Variants in GPR139 observed in about 807,000 individuals in gnomAD.
GPR139 encodes the protein G protein-coupled receptor 139, also known as probable G protein-coupled receptor 139.
GPR139 carries 12 observed loss-of-function variants against 25.8 expected under a neutral mutation model. That is an observed-to-expected ratio of 0.47 (90% CI 0.30 to 0.75). The LOEUF (loss-of-function observed/expected upper bound fraction) is 0.75, where lower values mean the gene tolerates loss of function less well. Among genes scored for constraint, GPR139 ranks in the 30% least tolerant of loss-of-function variants. GPR139 has a pLI of 0.07. For missense variants in GPR139, 380 were observed against 450.2 expected (o/e 0.84, Z 1.41); for synonymous variants, 184 against 179.9 (o/e 1.02, Z -0.18).
At position 20,038,325 on chromosome 16, in the gene GPR139, ATATATGTGTGTG is replaced by A. The variant is rs1189644387; in HGVS notation, c.128-5668_128-5657del. ...ACAGGTTTAAGTTCCTGGATAATATATATATGTGTGTGTGTGTGTGTGTGTGTGTGTGTGTGT... is the reference window on the plus strand; with the variant it reads ...ACAGGTTTAAGTTCCTGGATAATATATGTGTGTGTGTGTGTGTGTGTGTGT... On this transcript the variant is annotated intron_variant, in intron 1 of 1. Coordinates refer to ENST00000570682, the MANE Select transcript of GPR139 (RefSeq NM_001002911.4). Among the ~76,000 whole-genome samples, 8 of 48,934 alleles carry A rather than the reference ATATATGTGTGTG, an allele frequency of 1.6e-4. No individual in the cohort carries two copies. In the East Asian group the frequency reaches 4.9e-3, roughly 30 times the overall value. 32.1% of individuals were successfully genotyped at this position (48,934 alleles called of 152,430 possible).
At chr16:20,061,528 T>C (rs1429846295) in intron 1 of GPR139, among the ~76,000 whole-genome samples, 1 of 152,228 alleles carries the variant, frequency 6.6e-6, no homozygotes, top group Non-Finnish European at 1.5e-5. Context: ...GCTCTCTGAT[T>C]TCTCTTCTCA....
chr16:20,069,381 C>A (rs1261500538), intron 1 of GPR139, among the ~76,000 whole-genome samples: 1 of 139,656 alleles, frequency 7.2e-6, no homozygotes, highest in Non-Finnish European at 1.6e-5. Flanking sequence ...CCTGTTTATT[C>A]CATTTTCTCT....
intron 1 of GPR139, among the ~76,000 whole-genome samples, chr16:20,037,200 C>A (rs1420474094): frequency 1.3e-5 from 2 of 152,030 alleles, no homozygotes; most frequent in Admixed American, 1.3e-4. Flanking sequence ...GCCTGTAATC[C>A]CAGCACTTTA....
intron 1 of GPR139, among the ~76,000 whole-genome samples, chr16:20,055,336 A>G (rs1207431312): frequency 6.6e-6 from 1 of 152,172 alleles, no homozygotes; most frequent in Non-Finnish European, 1.5e-5. Context: ...GCCCATAACC[A>G]AGGCAGGCTA....
chr16:20,040,937 A>C (rs887972619), intron 1 of GPR139, among the ~76,000 whole-genome samples: 11 of 151,768 alleles, frequency 7.2e-5, no homozygotes, highest in African/African-American at 2.4e-4. Context: ...TACAAATCCT[A>C]GTTCTCTGCA....
chr16:20,033,355 C>T (rs940666628), intron 1 of GPR139, among the ~76,000 whole-genome samples: 1 of 152,230 alleles, frequency 6.6e-6, no homozygotes, highest in African/African-American at 2.4e-5. Context: ...TTGCCATTCT[C>T]CTCATCTTAG....
intron 1 of GPR139, among the ~76,000 whole-genome samples, chr16:20,055,957 T>G (rs2764778): frequency 0.052 from 7,918 of 152,344 alleles, 646 homozygotes; most frequent in African/African-American, 0.18. Flanking sequence ...TCAGGTAATG[T>G]GTTTAAAACA....
chr16:20,042,604 G>C (rs1157154148), intron 1 of GPR139, among the ~76,000 whole-genome samples: 1 of 152,088 alleles, frequency 6.6e-6, no homozygotes, highest in African/African-American at 2.4e-5. Flanking sequence ...GTTGTCTCTT[G>C]CATCCTCTGA....
chr16:20,030,559 C>T lies in GPR139; in HGVS notation c.*1176G>A, dbSNP rs1035658812. Among the ~76,000 whole-genome samples, 3 of 147,722 alleles carry T rather than the reference C, an allele frequency of 2.0e-5. No individual in the cohort carries two copies. Among genetic ancestry groups the T allele is most frequent in the African/African-American group, 7.6e-5 (3 of 39,612 alleles). On this transcript the variant is annotated 3_prime_UTR_variant, in exon 2 of 2. Transcript: ENST00000570682. Reference sequence around the variant, plus strand: ...AACACACTTATATTTTATCATTTTACAAAGGATCTGGGTTAAATAGCTTTA... The same window carrying T: ...AACACACTTATATTTTATCATTTTATAAAGGATCTGGGTTAAATAGCTTTA...
In GPR139 at chr16:20,052,099, C is replaced by A. The variant is rs138231258; in HGVS notation, c.128-19430G>T. On this transcript the variant is annotated intron_variant, in intron 1 of 1. Coordinates refer to ENST00000570682, the MANE Select transcript of GPR139 (RefSeq NM_001002911.4). ...CTGAAAGAAACCACGGTCTTTCAAGCTCCCTAAACAAACCACACTCACTCC... is the reference window on the plus strand; with the variant it reads ...CTGAAAGAAACCACGGTCTTTCAAGATCCCTAAACAAACCACACTCACTCC... Among the ~76,000 whole-genome samples the A allele has an allele frequency of 4.0e-3, 611 of 152,304 alleles. 3 individuals are homozygous for A. Among genetic ancestry groups the A allele is most frequent in the Non-Finnish European group, 7.1e-3 (480 of 68,010 alleles).
intron 1 of GPR139, among the ~76,000 whole-genome samples, chr16:20,052,523 C>T (rs55820480): frequency 0.082 from 12,441 of 152,206 alleles, 593 homozygotes; most frequent in Non-Finnish European, 0.11. Flanking sequence ...AGCGGCTGGG[C>T]GCGGTGGCTC....
intron 1 of GPR139, among the ~76,000 whole-genome samples, chr16:20,063,835 G>C (rs1227550032): frequency 1.3e-5 from 2 of 152,126 alleles, no homozygotes; most frequent in Non-Finnish European, 2.9e-5. Context: ...CTGCTATTCT[G>C]TATTAGTACG....
intron 1 of GPR139, among the ~76,000 whole-genome samples, chr16:20,062,023 T>C (rs1414948155): frequency 6.6e-6 from 1 of 152,144 alleles, no homozygotes; most frequent in Non-Finnish European, 1.5e-5. Flanking sequence ...ATCCCAGAGC[T>C]TTGGGAGACT....
At chr16:20,069,346 C>G (rs1269470265) in intron 1 of GPR139, among the ~76,000 whole-genome samples, 1 of 145,354 alleles carries the variant, frequency 6.9e-6, no homozygotes, top group African/African-American at 2.5e-5. Flanking sequence ...CCCCAGAGGT[C>G]CAGCTCCAGA....
At chr16:20,060,670 T>A (rs1266108108) in intron 1 of GPR139, among the ~76,000 whole-genome samples, 1 of 152,226 alleles carries the variant, frequency 6.6e-6, no homozygotes, top group East Asian at 1.9e-4. Flanking sequence ...TATAATGTAT[T>A]GTCCCAACTC....
At chr16:20,066,504 ATGT>A (rs1240342961) in intron 1 of GPR139, among the ~76,000 whole-genome samples, 1 of 152,228 alleles carries the variant, frequency 6.6e-6, no homozygotes, top group Non-Finnish European at 1.5e-5. Flanking sequence ...TTGCCAGGGC[ATGT>A]TGTTTCATTT....
At chr16:20,064,211 C>T (rs924783608) in intron 1 of GPR139, among the ~76,000 whole-genome samples, 3 of 152,150 alleles carry the variant, frequency 2.0e-5, no homozygotes, top group African/African-American at 7.2e-5. Context: ...CCTAGCTCTG[C>T]AGATTCCTCA....
chr16:20,041,017 C>A (rs147782100), intron 1 of GPR139, among the ~76,000 whole-genome samples: 3 of 151,142 alleles, frequency 2.0e-5, no homozygotes, highest in Non-Finnish European at 4.4e-5. Context: ...AAAAGCATCT[C>A]TCCCTTTGCT....
At chr16:20,062,694 C>T (rs944579012) in intron 1 of GPR139, among the ~76,000 whole-genome samples, 3 of 152,126 alleles carry the variant, frequency 2.0e-5, no homozygotes, top group African/African-American at 7.2e-5. Flanking sequence ...TTTATATAAT[C>T]GTGCTGCCCA....
Sources: gnomAD v4.1 joint callset for allele counts (sites outside exome capture counted in the v4.1 genomes callset) on GRCh38, gnomAD v4.1.1 for gene constraint, MANE v1.5 for transcripts, NCBI Gene and HGNC (gene_info 2026-07-23, HGNC 2026-07-21) for gene names.